CCDC178: variants seen among roughly 807,000 people sequenced by gnomAD.
CCDC178 encodes coiled-coil domain-containing protein 178.
CCDC178 carries 126 observed loss-of-function variants against 117.4 expected under a neutral mutation model. The observed-to-expected ratio is 1.07, with a 90% CI of 0.93 to 1.24. The LOEUF (loss-of-function observed/expected upper bound fraction) is 1.24, where lower values mean the gene tolerates loss of function less well. Among genes scored for constraint, CCDC178 ranks in the 50% most tolerant of loss-of-function variants. The pLI, the probability that CCDC178 is intolerant of heterozygous loss-of-function variation, is 0.00. For missense variants in CCDC178, 1,030 were observed against 986.9 expected (o/e 1.04, Z -0.59); for synonymous variants, 283 against 313.4 (o/e 0.90, Z 1.02).
At chr18:33,177,120 C>T (rs901346482) in intron 20 of CCDC178, among the ~76,000 whole-genome samples, 1 of 152,090 alleles carries the variant, frequency 6.6e-6, no homozygotes, top group African/African-American at 2.4e-5. Flanking sequence ...AAACCAAACA[C>T]CGCATGTTCT....
At chr18:32,972,409 T>G (rs1258463599) in intron 22 of CCDC178, among the ~76,000 whole-genome samples, 1 of 152,112 alleles carries the variant, frequency 6.6e-6, no homozygotes. Context: ...CCATGCTGCT[T>G]TGGTTATTGT....
intron 21 of CCDC178, among the ~76,000 whole-genome samples, chr18:33,062,815 T>A (rs1436023737): frequency 1.3e-5 from 2 of 152,122 alleles, no homozygotes; most frequent in Non-Finnish European, 2.9e-5. Context: ...CAGTCCCTTA[T>A]TTCCACATTC....
rs569660332 is a variant in CCDC178 at position 33,293,198 on chromosome 18, T to G, written c.1137A>C (p.Thr379=). The change falls in exon 12 of 23, where the codon ACA becomes ACC. Residue 379 remains threonine (T), a synonymous_variant. Transcript: ENST00000383096. ...EEEVTEAIRE[T]KSSKNELHSL... ...AATGTAATTCATTTTTTGATGACTT[T>G]GTTTCCCTTATTGCTTCAGTCACTT... The G allele has an allele frequency of 2.5e-6, 4 of 1,593,980 alleles. No homozygotes were observed. The Admixed American group carries it at 6.8e-5, about 27-fold the overall frequency.
At chr18:33,102,424 T>TAAAAAAAAAA (rs36099291) in intron 20 of CCDC178, among the ~76,000 whole-genome samples, 3 of 118,430 alleles carry the variant, frequency 2.5e-5, no homozygotes, top group African/African-American at 6.0e-5. Flanking sequence ...TGCTTTGAAG[T>TAAAAAAAAAA]AAAAAAAAAA....
intron 20 of CCDC178, among the ~76,000 whole-genome samples, chr18:33,117,356 T>C (rs765259284): frequency 2.0e-5 from 3 of 152,040 alleles, no homozygotes; most frequent in African/African-American, 2.4e-5. Context: ...AGGTTATGCA[T>C]GGGCTCAGCA....
intron 21 of CCDC178, among the ~76,000 whole-genome samples, chr18:33,050,424 T>C (rs779689931): frequency 6.6e-6 from 1 of 152,170 alleles, no homozygotes; most frequent in African/African-American, 2.4e-5. Flanking sequence ...ATATCACTGA[T>C]AGCGAAATTA....
At position 32,941,447 on chromosome 18, in the gene CCDC178, T is replaced by C. The variant is rs369900723; in HGVS notation, c.2524-3356A>G. 4.6e-5 allele frequency among the ~76,000 whole-genome samples: 7 copies of C among 152,228 alleles called. No individual in the cohort carries two copies. The East Asian group carries it at 9.7e-4, about 21-fold the overall frequency. The stretch of plus-strand genomic sequence containing the variant: ...AGGAAAACATGATCTTTCAGGAGTG[T>C]TGTTTGGAAAGAGGAGCCCATTTTT... On this transcript the variant is annotated intron_variant, in intron 22 of 22. Transcript: ENST00000383096.
chr18:33,249,177 A>C (rs1015906024), intron 14 of CCDC178, among the ~76,000 whole-genome samples: 1 of 152,154 alleles, frequency 6.6e-6, no homozygotes, highest in Non-Finnish European at 1.5e-5. Flanking sequence ...GCCCTTTGTC[A>C]GATGAGTAGA....
intron 22 of CCDC178, among the ~76,000 whole-genome samples, chr18:32,966,387 A>T (rs1411127126): frequency 6.6e-6 from 1 of 151,846 alleles, no homozygotes; most frequent in Non-Finnish European, 1.5e-5. Context: ...CTCTCCTGTT[A>T]CAAGGCAGAG....
intron 5 of CCDC178, among the ~76,000 whole-genome samples, chr18:33,371,822 T>C (rs555229673): frequency 1.4e-4 from 12 of 87,398 alleles, no homozygotes; most frequent in African/African-American, 1.8e-4. Flanking sequence ...CACACACATA[T>C]GTAATAGTCA....
At chr18:33,310,639 T>C (rs2144950064) in intron 11 of CCDC178, among the ~76,000 whole-genome samples, 2 of 152,206 alleles carry the variant, frequency 1.3e-5, no homozygotes, top group East Asian at 3.9e-4. Context: ...TGAGCTGAGA[T>C]TGCAACACTG....
intron 5 of CCDC178, among the ~76,000 whole-genome samples, chr18:33,377,388 T>C (rs1014449395): frequency 5.7e-5 from 8 of 141,420 alleles, no homozygotes; most frequent in Non-Finnish European, 7.9e-5. Context: ...TCCCATTCTG[T>C]AGGTTGCCTG....
intron 2 of CCDC178, among the ~76,000 whole-genome samples, chr18:33,427,506 A>C (rs1003587263): frequency 3.9e-5 from 6 of 152,142 alleles, no homozygotes; most frequent in Admixed American, 1.3e-4. Flanking sequence ...AAATCTTTAA[A>C]CTCTGTAACT....
intron 19 of CCDC178, among the ~76,000 whole-genome samples, 166 bp downstream of exon 19, chr18:33,215,384 T>C (rs1305399197): frequency 6.6e-6 from 1 of 152,028 alleles, no homozygotes; most frequent in Non-Finnish European, 1.5e-5. Context: ...CAGTTTATGA[T>C]TATGCTTTTA....
intron 3 of CCDC178, among the ~76,000 whole-genome samples, chr18:33,398,432 G>A (rs1043249116): frequency 1.3e-5 from 2 of 152,082 alleles, no homozygotes; most frequent in African/African-American, 4.8e-5. Flanking sequence ...ATTGAGATTT[G>A]TGCTAATAAG....
chr18:33,121,993 A>G (rs575484495), intron 20 of CCDC178, among the ~76,000 whole-genome samples: 2 of 152,264 alleles, frequency 1.3e-5, no homozygotes, highest in Non-Finnish European at 2.9e-5. Flanking sequence ...GCAATAGGCT[A>G]TACCATACAC....
intron 14 of CCDC178, among the ~76,000 whole-genome samples, chr18:33,246,236 G>T (rs975583154): frequency 6.6e-6 from 1 of 151,758 alleles, no homozygotes; most frequent in Non-Finnish European, 1.5e-5. Context: ...AACTGGAGCG[G>T]TATCTAAACC....
intron 6 of CCDC178, among the ~76,000 whole-genome samples, chr18:33,357,544 T>C (rs774582334): frequency 6.6e-6 from 1 of 151,976 alleles, no homozygotes; most frequent in Non-Finnish European, 1.5e-5. Context: ...TACCAAAGAG[T>C]GGTGAATACA....
chr18:33,279,804 T>C (rs1487195698), intron 12 of CCDC178, among the ~76,000 whole-genome samples: 2 of 152,140 alleles, frequency 1.3e-5, no homozygotes, highest in Admixed American at 6.6e-5. Flanking sequence ...GCCGCTTATC[T>C]ACAACTATCT....
Sources: allele counts gnomAD v4.1 joint callset (sites outside exome capture counted in the v4.1 genomes callset), GRCh38; gene constraint gnomAD v4.1.1; transcripts MANE v1.5; gene names NCBI Gene and HGNC (gene_info 2026-07-23, HGNC 2026-07-21).